The following ARHGAP27 variants were observed in gnomAD, a reference collection of about 807,000 sequenced individuals.
ARHGAP27 encodes the protein rho GTPase-activating protein 27.
Under a neutral mutation model 102.0 loss-of-function variants are expected in ARHGAP27, and 53 were observed. The ratio of observed to expected loss-of-function variants is 0.52; its 90% CI spans 0.42 to 0.65. The LOEUF is 0.65. ARHGAP27 is among the 30% of genes least tolerant of loss of function. The probability of loss-of-function intolerance (pLI) is 0.00; values close to 1 mark genes in which losing one functional copy is unlikely to be tolerated. For missense variants in ARHGAP27, 1,117 were observed against 1,256.2 expected (o/e 0.89, Z 1.68); for synonymous variants, 525 against 542.8 (o/e 0.97, Z 0.46).
Position 45,396,504 on chromosome 17 carries a change from C to A in ARHGAP27, c.2156G>T (p.Arg719Leu). The A allele has an allele frequency of 1.3e-6, 2 of 1,557,382 alleles. No individual in the cohort carries two copies. Among genetic ancestry groups the A allele is most frequent in the Non-Finnish European group, 1.7e-6 (2 of 1,157,378 alleles). ...RVPRFVQQCI[R>L]AVEARGLDID... Reference sequence around the variant, plus strand: ...GCACGTACCGCGGGCCTCGACGGCGCGGATGCACTGCTGCACGAAGCGTGG... The same window carrying A: ...GCACGTACCGCGGGCCTCGACGGCGAGGATGCACTGCTGCACGAAGCGTGG... Residue 719 changes from arginine to leucine, a missense_variant, in exon 16 of 20, where the codon CGC becomes CTC. Physicochemically the swap from Arg to Leu is moderately radical, Grantham distance 102. Around this residue, in one of 3 missense-constraint regions of ARHGAP27, gnomAD observed 493 missense variants for 505.5 expected, o/e 0.98. Transcript: ENST00000685559.
rs1434191199 is a variant in ARHGAP27, at chr17:45,395,833, G to A, written c.2403C>T (p.Ala801=). The A allele has an allele frequency of 6.2e-7, 1 of 1,602,478 alleles. No homozygotes were observed. Among genetic ancestry groups the A allele is most frequent in the Non-Finnish European group, 8.5e-7 (1 of 1,175,182 alleles). ...AGTCACGCACACAGCGGCTGCGCCG[G>A]GCCTGGTCCTGCAACTCTGGGTGAG... The part of the protein sequence containing the change: ...FIAAIKLQDQ[A]RRSRCVRDLV... Residue 801 remains alanine, a synonymous_variant, in exon 19 of 20, where the codon GCC becomes GCT. Transcript: ENST00000685559.
At chr17:45,423,586 C>T (rs2049255175) in intron 4 of ARHGAP27, among the ~76,000 whole-genome samples, 1 of 151,816 alleles carries the variant, frequency 6.6e-6, no homozygotes, top group Admixed American at 6.6e-5. Flanking sequence ...TCTCTGCAGA[C>T]ATATCATATC....
At chr17:45,428,268 A>T (rs2049797123) in intron 4 of ARHGAP27, among the ~76,000 whole-genome samples, 1 of 152,230 alleles carries the variant, frequency 6.6e-6, no homozygotes, top group South Asian at 2.1e-4. Context: ...AGCCTGAGTG[A>T]AGGCGGCGGA....
At chr17:45,418,654 G>A (rs2048720936) in intron 4 of ARHGAP27, among the ~76,000 whole-genome samples, 1 of 152,074 alleles carries the variant, frequency 6.6e-6, no homozygotes, top group South Asian at 2.1e-4. Context: ...TGCCAACTGC[G>A]ACCTGCTACT....
chr17:45,425,575 T>A (rs2049516301), intron 4 of ARHGAP27: 3 of 985,602 alleles, frequency 3.0e-6, no homozygotes, highest in Non-Finnish European at 2.4e-6. Context: ...CAGTTCCCAG[T>A]GGAGGAGAAG....
chr17:45,416,131 C>T (rs1268099666), intron 4 of ARHGAP27, among the ~76,000 whole-genome samples: 4 of 151,446 alleles, frequency 2.6e-5, no homozygotes, highest in Admixed American at 6.6e-5. Flanking sequence ...CTGCAGGCTC[C>T]GCCTCCCGGG....
intron 4 of ARHGAP27, among the ~76,000 whole-genome samples, chr17:45,413,547 C>T (rs980493921): frequency 2.0e-5 from 3 of 152,142 alleles, no homozygotes; most frequent in African/African-American, 7.2e-5. Context: ...AAGAACTGAG[C>T]GGGCCTTGGG....
rs753621742 is a variant in ARHGAP27 at position 45,404,513 on chromosome 17, G to T, written c.1345C>A (p.Pro449Thr). 1 of 1,613,474 alleles carries T rather than the reference G, an allele frequency of 6.2e-7. No homozygotes were observed. The highest frequency in any genetic ancestry group is 1.7e-5 in the Admixed American group (1 of 59,788). ...WELPQVPVPAPRSIHKSSQDG... is the reference protein window; with the variant it reads ...WELPQVPVPATRSIHKSSQDG... ...TGGCTGGATTTATGGATGCTTCGAG[G>T]GGCAGGGACAGGGACCTGGGGAGAA... is the stretch of plus-strand genomic sequence containing the variant. Residue 449 changes from proline to threonine, a missense_variant, in exon 8 of 20, where the codon CCT becomes ACT. Coordinates refer to ENST00000685559, the MANE Select transcript of ARHGAP27 (RefSeq NM_001282290.2).
At position 45,395,823 on chromosome 17, in the gene ARHGAP27, G is replaced by C; in HGVS notation, c.2413C>G (p.Arg805Gly). The change falls in exon 19 of 20, where the codon CGC becomes GGC. Residue 805 changes from arginine (R) to glycine (G), a missense_variant. Physicochemically the swap from Arg to Gly is moderately radical, Grantham distance 125. Transcript: ENST00000685559. The stretch of plus-strand genomic sequence containing the variant: ...GAGCGCACCAAGTCACGCACACAGC[G>C]GCTGCGCCGGGCCTGGTCCTGCAAC... Reference protein sequence around the residue: ...IKLQDQARRSRCVRDLVRSLP... With the variant: ...IKLQDQARRSGCVRDLVRSLP... The C allele has an allele frequency of 6.2e-7, 1 of 1,602,982 alleles. No homozygotes were observed. Among genetic ancestry groups the C allele is most frequent in the Non-Finnish European group, 8.5e-7 (1 of 1,175,692 alleles).
chr17:45,410,426 C>A, intron 4 of ARHGAP27: 11 of 1,263,012 alleles, frequency 8.7e-6, no homozygotes, highest in East Asian at 4.0e-5. Context: ...GACTCCAGCC[C>A]ATTTCCTGTC....
In ARHGAP27 at chr17:45,396,926, T is replaced by TCG; in HGVS notation, c.1939_1940dup (p.Pro648AspfsTer18). 1 of 1,606,272 alleles carries TCG rather than the reference T, an allele frequency of 6.2e-7. No homozygotes were observed. The highest frequency in any genetic ancestry group is 8.5e-7 in the Non-Finnish European group (1 of 1,179,956). ...CTGCCTTGCGCACACCTGCATTCGG[T>TCG]CGCGCGTCCTCCTCTTTCTCCTGCC... On this transcript the variant is annotated frameshift_variant, in exon 14 of 20. Coordinates refer to ENST00000685559, the MANE Select transcript of ARHGAP27 (RefSeq NM_001282290.2). LOFTEE classifies it high-confidence loss of function.
At chr17:45,410,262 G>C in intron 4 of ARHGAP27, 1 of 1,533,234 alleles carries the variant, frequency 6.5e-7, no homozygotes, top group Non-Finnish European at 8.7e-7. Flanking sequence ...TCTGCCTCCT[G>C]GTCACTTTGG....
Position 45,405,827 on chromosome 17 carries a change from C to T in ARHGAP27, c.914G>A (p.Trp305Ter), listed in dbSNP as rs1488914950. The change falls in exon 5 of 20, where the codon TGG becomes TAG. Residue 305 changes from tryptophan to a stop codon, truncating the protein, a stop_gained. Transcript: ENST00000685559. LOFTEE classifies it high-confidence loss of function. Reference sequence around the variant, plus strand: ...GCTCTCCTCATCCCAGTACTGGCCCCACTCGGTCTCAAGGCTCACGTGGCT... The same window carrying T: ...GCTCTCCTCATCCCAGTACTGGCCCTACTCGGTCTCAAGGCTCACGTGGCT... ...VDSHVSLETE[W>*]GQYWDEESRR... 1 of 1,537,524 alleles carries T rather than the reference C, an allele frequency of 6.5e-7. No individual in the cohort carries two copies. Among genetic ancestry groups the T allele is most frequent in the Non-Finnish European group, 8.7e-7 (1 of 1,147,374 alleles).
chr17:45,416,289 C>T (rs2048446481), intron 4 of ARHGAP27, among the ~76,000 whole-genome samples: 1 of 151,672 alleles, frequency 6.6e-6, no homozygotes, highest in Non-Finnish European at 1.5e-5. Flanking sequence ...CTCCTGACCT[C>T]GTGATCCGCC....
At position 45,406,054 on chromosome 17, in the gene ARHGAP27, C is replaced by G. The variant is rs1246182584; in HGVS notation, c.687G>C (p.Ala229=). ...QVDDPPEPVY[A]NIERQPRATS... ...TGGCCCGGGGCTGCCTCTCTATGTT[C>G]GCGTACACGGGCTCCGGTGGGTCGT... The change falls in exon 5 of 20, where the codon GCG becomes GCC. Residue 229 remains alanine (A), a synonymous_variant. Transcript: ENST00000685559. The G allele has an allele frequency of 1.3e-6, 2 of 1,528,670 alleles. No homozygotes were observed. Among genetic ancestry groups the G allele is most frequent in the South Asian group, 2.4e-5 (2 of 83,766 alleles). The allele number at this position is 1,528,670 out of a possible 1,614,324, so 94.7% of individuals were successfully genotyped here.
rs2050011869 is a variant in ARHGAP27, at chr17:45,430,896, T to G, written c.-18-599A>C. On this transcript the variant is annotated intron_variant, in intron 3 of 19. Transcript: ENST00000685559. The surrounding 1 kb of genome is among the most constrained non-coding windows in gnomAD (Gnocchi z 4.4). ...ACCTGGGGGCTGTCGCTGCCCCCCT[T>G]AGTCCGAGGGCCTTGCTGTAGAGGC... Among the ~76,000 whole-genome samples, 1 of 152,032 alleles carries G rather than the reference T, an allele frequency of 6.6e-6. No homozygotes were observed. The highest frequency in any genetic ancestry group is 6.5e-5 in the Admixed American group (1 of 15,268).
Position 45,427,706 on chromosome 17 carries a change from C to G in ARHGAP27, c.657+1917G>C, listed in dbSNP as rs556860508. Among the ~76,000 whole-genome samples, 30 of 152,280 alleles carry G rather than the reference C, an allele frequency of 2.0e-4. No homozygotes were observed. Among genetic ancestry groups the G allele is most frequent in the South Asian group, 4.1e-4 (2 of 4,824 alleles). On this transcript the variant is annotated intron_variant, in intron 4 of 19. Coordinates refer to ENST00000685559, the MANE Select transcript of ARHGAP27 (RefSeq NM_001282290.2). This position sits in a 1 kb window ranked among gnomAD's most constrained non-coding sequence, Gnocchi z 4.5. ...CATCGCACAGGGGAGGAAACAGGAC[C>G]AGAGATGCAAAGCGACTTGTGGAGG...
chr17:45,396,197 C>T lies in ARHGAP27; in HGVS notation c.2251+10G>A, dbSNP rs371609350. 126 of 1,604,378 alleles carry T rather than the reference C, an allele frequency of 7.9e-5. 1 individual carries two copies. In the African/African-American group the frequency reaches 1.4e-3, roughly 18 times the overall value. ...CAGGCCCTGGGGCAGGGGTTGGGGA[C>T]GGGCCTCACCGTGGTCCACCTTATA... On this transcript the variant is annotated intron_variant, in intron 17 of 19. Coordinates refer to ENST00000685559, the MANE Select transcript of ARHGAP27 (RefSeq NM_001282290.2).
chr17:45,428,205 C>A (rs1170068176), intron 4 of ARHGAP27, among the ~76,000 whole-genome samples: 5 of 152,248 alleles, frequency 3.3e-5, no homozygotes, highest in African/African-American at 1.2e-4. Flanking sequence ...CAGCCCCGCC[C>A]GCCGGGTGCC....
Sources: gnomAD v4.1 joint callset for allele counts (sites outside exome capture counted in the v4.1 genomes callset) on GRCh38, gnomAD v4.1.1 for gene constraint, gnomAD v4.1.1 regional missense constraint, Gnocchi (gnomAD v3.1) non-coding constraint, MANE v1.5 for transcripts, NCBI Gene and HGNC (gene_info 2026-07-23, HGNC 2026-07-21) for gene names.